Variants in SYNPR observed in about 807,000 individuals in gnomAD.
The protein encoded by SYNPR is synaptoporin.
SYNPR carries 23 observed loss-of-function variants against 32.9 expected under a neutral mutation model. That is an observed-to-expected ratio of 0.70 (90% CI 0.50 to 0.99). The LOEUF is 0.99. Ranked by LOEUF, SYNPR falls within the 50% of genes least tolerant of loss-of-function variation. SYNPR has a pLI of 0.00. For missense variants in SYNPR, 318 were observed against 349.3 expected (o/e 0.91, Z 0.71); for synonymous variants, 146 against 135.9 (o/e 1.07, Z -0.52).
intron 2 of SYNPR, 72 bp from the exon 3 acceptor site, chr3:63,480,760 C>T: frequency 6.4e-7 from 1 of 1,557,034 alleles, no homozygotes; most frequent in Non-Finnish European, 8.7e-7. Flanking sequence ...ACATTAAGCT[C>T]CTTTTGATAT....
chr3:63,515,706 A>G (rs1029218423), intron 3 of SYNPR, among the ~76,000 whole-genome samples: 4 of 152,120 alleles, frequency 2.6e-5, no homozygotes, highest in African/African-American at 9.7e-5. Context: ...TTACTAAACC[A>G]ACACAAAATT....
At chr3:63,312,388 T>C (rs2086975499) in intron 2 of SYNPR, among the ~76,000 whole-genome samples, 1 of 151,972 alleles carries the variant, frequency 6.6e-6, no homozygotes, top group African/African-American at 2.4e-5. Context: ...TGCTCAGCAA[T>C]CTCTATTTCC....
chr3:63,541,498 C>T (rs1234278533), intron 3 of SYNPR, among the ~76,000 whole-genome samples: 3 of 152,112 alleles, frequency 2.0e-5, no homozygotes, highest in African/African-American at 7.2e-5. Context: ...CCATCAGACC[C>T]ACTGAATAGT....
intron 4 of SYNPR, among the ~76,000 whole-genome samples, chr3:63,602,132 T>C (rs1700053771): frequency 6.6e-6 from 1 of 152,190 alleles, no homozygotes; most frequent in South Asian, 2.1e-4. Context: ...TTCTTGGCCA[T>C]ATGTATGTCT....
chr3:63,304,913 G>T (rs547500248), intron 2 of SYNPR, among the ~76,000 whole-genome samples: 59 of 152,064 alleles, frequency 3.9e-4, no homozygotes, highest in Middle Eastern at 3.4e-3. Flanking sequence ...AACAGATCTT[G>T]ATTTCAGTCC....
chr3:63,517,861 A>G (rs913413512), intron 3 of SYNPR, among the ~76,000 whole-genome samples: 3 of 152,180 alleles, frequency 2.0e-5, no homozygotes, highest in Non-Finnish European at 4.4e-5. Flanking sequence ...TACTGGATAC[A>G]TTCTCTGTCC....
intron 2 of SYNPR, among the ~76,000 whole-genome samples, chr3:63,400,319 A>G (rs902752881): frequency 2.0e-5 from 3 of 152,258 alleles, no homozygotes; most frequent in Non-Finnish European, 2.9e-5. Context: ...TCAGAAGTCC[A>G]GAAGCAGCTT....
intron 3 of SYNPR, chr3:63,545,356 A>T (rs1174224128): frequency 6.6e-6 from 1 of 152,162 alleles, no homozygotes; most frequent in Non-Finnish European, 1.5e-5. Context: ...CCTAATAAGA[A>T]TCTAACAAAA....
At chr3:63,594,716 A>G (rs1274519214) in intron 4 of SYNPR, among the ~76,000 whole-genome samples, 1 of 151,856 alleles carries the variant, frequency 6.6e-6, no homozygotes, top group Non-Finnish European at 1.5e-5. Context: ...GGCAGCTCTC[A>G]TCATCATCAC....
At chr3:63,573,063 G>A (rs745867633) in intron 4 of SYNPR, among the ~76,000 whole-genome samples, 2 of 152,100 alleles carry the variant, frequency 1.3e-5, no homozygotes, top group Non-Finnish European at 1.5e-5. Flanking sequence ...AGAAATTATA[G>A]TTTTCCAATT....
At chr3:63,465,292 A>T (rs1700656139) in intron 2 of SYNPR, among the ~76,000 whole-genome samples, 1 of 152,112 alleles carries the variant, frequency 6.6e-6, no homozygotes, top group Non-Finnish European at 1.5e-5. Flanking sequence ...ATTAACAAAG[A>T]AAATTTTGTT....
chr3:63,242,882 G>T (rs781193044), intron 1 of SYNPR, among the ~76,000 whole-genome samples: 1 of 151,990 alleles, frequency 6.6e-6, no homozygotes, highest in African/African-American at 2.4e-5. Context: ...GTACAGGTTT[G>T]AAAAATGGGA....
chr3:63,602,420 G>C (rs1700058252), intron 4 of SYNPR, among the ~76,000 whole-genome samples: 1 of 152,076 alleles, frequency 6.6e-6, no homozygotes, highest in Non-Finnish European at 1.5e-5. Context: ...TGAAATCTCT[G>C]CCAGCTCTTA....
At position 63,582,631 on chromosome 3, in the gene SYNPR, C is replaced by T. The variant is rs545232279; in HGVS notation, c.408+25890C>T. ...TGGTAAAGGATTTTTACTTTATCTG[C>T]TTATATTGATAAGATATGACACAGG... On this transcript the variant is annotated intron_variant, in intron 4 of 5. Coordinates refer to ENST00000478300, the MANE Select transcript of SYNPR (RefSeq NM_001130003.2). Among the ~76,000 whole-genome samples, 14 of 152,040 alleles carry T rather than the reference C, an allele frequency of 9.2e-5. No homozygotes were observed. The South Asian group carries it at 1.9e-3, about 20-fold the overall frequency.
chr3:63,307,217 C>G (rs2086917697), intron 2 of SYNPR, among the ~76,000 whole-genome samples: 1 of 151,964 alleles, frequency 6.6e-6, no homozygotes, highest in African/African-American at 2.4e-5. Context: ...AAGTTATTCA[C>G]CTGGAGTCAC....
chr3:63,603,092 T>C (rs1700068171), intron 4 of SYNPR, among the ~76,000 whole-genome samples: 2 of 152,162 alleles, frequency 1.3e-5, no homozygotes, highest in Admixed American at 6.6e-5. Flanking sequence ...AAGTATTTTA[T>C]TCTTTTTGTG....
intron 3 of SYNPR, among the ~76,000 whole-genome samples, chr3:63,547,392 CT>C (rs1376984396): frequency 2.0e-5 from 3 of 152,116 alleles, no homozygotes; most frequent in Non-Finnish European, 4.4e-5. Flanking sequence ...TCGAATTTGT[CT>C]GCCTTTTCTA....
intron 2 of SYNPR, among the ~76,000 whole-genome samples, chr3:63,389,977 T>G (rs1446730210): frequency 6.6e-6 from 1 of 152,238 alleles, no homozygotes; most frequent in African/African-American, 2.4e-5. Flanking sequence ...CTGGGCTCTG[T>G]GCTGGTGTTT....
At chr3:63,455,756 G>GTGTGTGTGTGTGTGT (rs1700470168) in intron 2 of SYNPR, among the ~76,000 whole-genome samples, 2 of 144,282 alleles carry the variant, frequency 1.4e-5, no homozygotes, top group East Asian at 2.0e-4. Context: ...TCATGTTTGG[G>GTGTGTGTGTGTGTGT]GTGTGTGTGT....
Sources: allele counts gnomAD v4.1 joint callset (sites outside exome capture counted in the v4.1 genomes callset), GRCh38; gene constraint gnomAD v4.1.1; transcripts MANE v1.5; gene names NCBI Gene and HGNC (gene_info 2026-07-23, HGNC 2026-07-21).